The following GAREM1 variants were observed in gnomAD, a reference collection of about 807,000 sequenced individuals.
The protein encoded by GAREM1 is GRB2 associated regulator of MAPK1 subtype 1.
GAREM1 carries 26 observed loss-of-function variants against 71.3 expected under a neutral mutation model. The ratio of observed to expected loss-of-function variants is 0.36; its 90% CI spans 0.27 to 0.51. The LOEUF is 0.51. Ranked by LOEUF, GAREM1 falls within the 20% of genes least tolerant of loss-of-function variation. The pLI is 0.95. For synonymous variants in GAREM1, 440 were observed against 433.2 expected, an observed-to-expected ratio of 1.02 and a Z score of -0.20; for missense variants, 1,026 against 1,103.1, an observed-to-expected ratio of 0.93 and a Z score of 0.99.
At chr18:32,394,236 C>CA (rs572959888) in intron 1 of GAREM1, among the ~76,000 whole-genome samples, 23 of 151,526 alleles carry the variant, frequency 1.5e-4, no homozygotes, top group South Asian at 6.3e-4. Context: ...CCCATCTCTA[C>CA]AAAAAAAATA....
At chr18:32,315,928 C>A (rs1031023395) in intron 2 of GAREM1, among the ~76,000 whole-genome samples, 6 of 152,120 alleles carry the variant, frequency 3.9e-5, no homozygotes, top group African/African-American at 1.4e-4. Context: ...CCACCTTTAT[C>A]CCCTTGTCTC....
intron 3 of GAREM1, among the ~76,000 whole-genome samples, chr18:32,300,590 T>G (rs576424660): frequency 1.3e-5 from 2 of 152,244 alleles, no homozygotes; most frequent in South Asian, 4.1e-4. Context: ...CTGTCTGTAG[T>G]TTGTTCTGCT....
At chr18:32,358,419 T>A (rs1366463307) in intron 2 of GAREM1, among the ~76,000 whole-genome samples, 2 of 152,028 alleles carry the variant, frequency 1.3e-5, no homozygotes, top group Admixed American at 1.3e-4. Context: ...TCCTCACACC[T>A]CAGGGCCACC....
intron 1 of GAREM1, among the ~76,000 whole-genome samples, chr18:32,460,834 T>C (rs2048948741): frequency 6.6e-6 from 1 of 152,168 alleles, no homozygotes; most frequent in Non-Finnish European, 1.5e-5. Flanking sequence ...AGGAGTCATA[T>C]GAAGAGCATG....
At chr18:32,334,973 T>C (rs942900840) in intron 2 of GAREM1, among the ~76,000 whole-genome samples, 1 of 152,090 alleles carries the variant, frequency 6.6e-6, no homozygotes, top group Admixed American at 6.5e-5. Flanking sequence ...ACTGGGAGCT[T>C]TGAGGACCGC....
At chr18:32,279,952 C>G (rs961845317) in intron 4 of GAREM1, among the ~76,000 whole-genome samples, 1 of 152,144 alleles carries the variant, frequency 6.6e-6, no homozygotes, top group African/African-American at 2.4e-5. Context: ...ATAATTTAGT[C>G]CTTATTTCAA....
intron 4 of GAREM1, among the ~76,000 whole-genome samples, chr18:32,281,452 T>C (rs1353047267): frequency 1.3e-5 from 2 of 152,242 alleles, no homozygotes; most frequent in African/African-American, 2.4e-5. Context: ...CTTCTAACAA[T>C]GAATGCGTGT....
intron 3 of GAREM1, among the ~76,000 whole-genome samples, chr18:32,294,344 T>C (rs2047118465): frequency 6.6e-6 from 1 of 152,218 alleles, no homozygotes; most frequent in Admixed American, 6.5e-5. Context: ...ACAAATGTGC[T>C]AAAATGGCAA....
intron 2 of GAREM1, among the ~76,000 whole-genome samples, chr18:32,325,944 T>C (rs1488929948): frequency 1.3e-5 from 2 of 152,140 alleles, no homozygotes; most frequent in Non-Finnish European, 2.9e-5. Flanking sequence ...CAGAGAGAAG[T>C]TTAAGTTTAG....
chr18:32,368,234 A>G (rs559658314), intron 2 of GAREM1, among the ~76,000 whole-genome samples: 3 of 152,134 alleles, frequency 2.0e-5, no homozygotes, highest in Admixed American at 6.5e-5. Flanking sequence ...CTTGTCTCTA[A>G]GCTTAGGTCT....
At chr18:32,427,740 G>C (rs1169895415) in intron 1 of GAREM1, among the ~76,000 whole-genome samples, 1 of 152,132 alleles carries the variant, frequency 6.6e-6, no homozygotes, top group South Asian at 2.1e-4. Context: ...ATTAAGCTCA[G>C]ACAACTAAAA....
chr18:32,360,346 CCTAA>C (rs966343104), intron 2 of GAREM1, among the ~76,000 whole-genome samples: 36 of 152,082 alleles, frequency 2.4e-4, no homozygotes, highest in Admixed American at 4.6e-4. Context: ...GTGGTTTGTT[CCTAA>C]CTGTCATATC....
intron 2 of GAREM1, among the ~76,000 whole-genome samples, chr18:32,378,025 TG>T (rs1408916798): frequency 1.4e-5 from 2 of 146,356 alleles, no homozygotes; most frequent in Non-Finnish European, 3.0e-5. Context: ...TGTGTGTGTG[TG>T]TGTGTGTGTG....
chr18:32,361,584 G>C (rs201874298), intron 2 of GAREM1, among the ~76,000 whole-genome samples: 1 of 152,098 alleles, frequency 6.6e-6, no homozygotes, highest in East Asian at 1.9e-4. Context: ...TCAAACAAAA[G>C]TGTTTGGAAA....
At chr18:32,329,920 G>A (rs542074085) in intron 2 of GAREM1, among the ~76,000 whole-genome samples, 3 of 152,076 alleles carry the variant, frequency 2.0e-5, no homozygotes, top group Non-Finnish European at 4.4e-5. Context: ...CAAGAGTGTC[G>A]GGGGAATGCA....
chr18:32,313,732 C>T (rs2047348209), intron 2 of GAREM1, among the ~76,000 whole-genome samples: 1 of 151,926 alleles, frequency 6.6e-6, no homozygotes, highest in African/African-American at 2.4e-5. Flanking sequence ...TAGGGAATTG[C>T]GAAGTGGAAT....
chr18:32,310,232 T>A lies in GAREM1; in HGVS notation c.354A>T (p.Glu118Asp), dbSNP rs749443824. The A allele has an allele frequency of 2.5e-6, 4 of 1,614,168 alleles. No individual in the cohort carries two copies. The African/African-American group carries it at 4.0e-5, about 16-fold the overall frequency. ...SVEEVAKAFP[E>D]RVYVMEDITF... ...TGATATCCTCCATGACGTACACGCG[T>A]TCAGGAAATGCCTTAGCCACCTCCT... Residue 118 changes from glutamate to aspartate, a missense_variant, in exon 3 of 6, where the codon GAA becomes GAT. Glu to Asp is a conservative substitution (Grantham distance 45). Coordinates refer to ENST00000269209, the MANE Select transcript of GAREM1 (RefSeq NM_001242409.2).
intron 2 of GAREM1, among the ~76,000 whole-genome samples, chr18:32,354,514 T>C (rs2047785896): frequency 6.6e-6 from 1 of 152,188 alleles, no homozygotes; most frequent in African/African-American, 2.4e-5. Flanking sequence ...TTTTCATCTA[T>C]GATACAAATT....
chr18:32,372,941 G>A (rs2047998114), intron 2 of GAREM1, among the ~76,000 whole-genome samples: 1 of 152,106 alleles, frequency 6.6e-6, no homozygotes, highest in South Asian at 2.1e-4. Context: ...CTCGATTACA[G>A]CTCTCTCCCG....
Sources: allele counts gnomAD v4.1 joint callset (sites outside exome capture counted in the v4.1 genomes callset), GRCh38; gene constraint gnomAD v4.1.1; transcripts MANE v1.5; gene names NCBI Gene and HGNC (gene_info 2026-07-23, HGNC 2026-07-21).